PCDH15: variants seen among roughly 807,000 people sequenced by gnomAD.
PCDH15 encodes the protein protocadherin-15.
A neutral mutation model predicts 178.5 loss-of-function variants in PCDH15; 129 were observed. The ratio of observed to expected loss-of-function variants is 0.72; its 90% CI spans 0.63 to 0.84. PCDH15 has a LOEUF of 0.84. Ranked by LOEUF, PCDH15 falls within the 40% of genes least tolerant of loss-of-function variation. The pLI is 0.00. For missense variants in PCDH15, 2,230 were observed against 2,099.9 expected, an observed-to-expected ratio of 1.06 and a Z score of -1.21; for synonymous variants, 800 against 732.0, an observed-to-expected ratio of 1.09 and a Z score of -1.50.
At chr10:54,555,084 G>A (rs2133248184) in intron 2 of PCDH15, among the ~76,000 whole-genome samples, 1 of 152,180 alleles carries the variant, frequency 6.6e-6, no homozygotes, top group Non-Finnish European at 1.5e-5. Flanking sequence ...ATGTGATAAG[G>A]GAAGTTGATG....
intron 14 of PCDH15, 25 bp from the exon 15 acceptor site, chr10:54,133,032 G>A: frequency 1.2e-6 from 2 of 1,613,732 alleles, no homozygotes; most frequent in South Asian, 1.1e-5. Context: ...AGGAAAAGAA[G>A]ATGGTTACGA....
At chr10:55,110,876 T>C (rs1347818907) in intron 2 of PCDH15, among the ~76,000 whole-genome samples, 1 of 152,154 alleles carries the variant, frequency 6.6e-6, no homozygotes, top group Non-Finnish European at 1.5e-5. Context: ...ATTATGACAA[T>C]GTTGTTGCAG....
chr10:54,081,651 A>G (rs2094438785), intron 16 of PCDH15, among the ~76,000 whole-genome samples: 1 of 152,152 alleles, frequency 6.6e-6, no homozygotes, highest in Non-Finnish European at 1.5e-5. Flanking sequence ...AATAGCTCAC[A>G]AAAAGTCTTA....
chr10:54,543,622 T>C (rs1173433897), intron 2 of PCDH15, among the ~76,000 whole-genome samples: 1 of 152,162 alleles, frequency 6.6e-6, no homozygotes, highest in African/African-American at 2.4e-5. Context: ...AACTGGCCTA[T>C]GAAATTTGAT....
chr10:55,310,312 C>T (rs567706765), intron 1 of PCDH15, among the ~76,000 whole-genome samples: 261 of 152,094 alleles, frequency 1.7e-3, no homozygotes, highest in African/African-American at 6.0e-3. Flanking sequence ...ATAAATTTTT[C>T]GTAATTATTC....
intron 1 of PCDH15, among the ~76,000 whole-genome samples, chr10:54,797,290 A>G (rs1445271813): frequency 6.6e-6 from 1 of 152,016 alleles, no homozygotes; most frequent in Non-Finnish European, 1.5e-5. Context: ...TTTTCCATTT[A>G]CCAACTTGAA....
At chr10:55,071,349 C>G (rs1318316307) in intron 2 of PCDH15, among the ~76,000 whole-genome samples, 1 of 152,178 alleles carries the variant, frequency 6.6e-6, no homozygotes, top group East Asian at 1.9e-4. Flanking sequence ...ATTCAGGACA[C>G]CCATCTCATG....
In PCDH15 at chr10:55,238,151, T is replaced by C. The variant is rs906999581; in HGVS notation, c.-155-71500A>G. 5.4e-4 allele frequency among the ~76,000 whole-genome samples: 80 copies of C among 147,112 alleles called. 1 individual carries two copies. Among genetic ancestry groups the C allele is most frequent in the South Asian group, 6.5e-4 (3 of 4,614 alleles). On this transcript the variant is annotated intron_variant, in intron 1 of 5. Transcript: ENST00000458638. ...CTTCATGCATTCATATTTTCTTTTT[T>C]TTTTTTTTTTTTTTGAGACGGAGTC...
chr10:55,552,511 C>T (rs945350082), intron 2 of PCDH15, among the ~76,000 whole-genome samples: 2 of 151,348 alleles, frequency 1.3e-5, no homozygotes, highest in African/African-American at 4.8e-5. Context: ...ATAAATATTT[C>T]ACTATAATTG....
intron 14 of PCDH15, among the ~76,000 whole-genome samples, chr10:54,152,842 C>A (rs2044675334): frequency 6.6e-6 from 1 of 152,016 alleles, no homozygotes; most frequent in South Asian, 2.1e-4. Context: ...CTGTTAATTT[C>A]TTTGAAGAAA....
intron 1 of PCDH15, among the ~76,000 whole-genome samples, chr10:54,694,864 A>G (rs556904891): frequency 6.6e-6 from 1 of 152,134 alleles, no homozygotes; most frequent in Non-Finnish European, 1.5e-5. Flanking sequence ...TCTCATTTTT[A>G]ATCACAAGCT....
rs577438342 is a variant in PCDH15, at chr10:53,837,770, T to C, written c.3983+2550A>G. On this transcript the variant is annotated intron_variant, in intron 29 of 37. Transcript: ENST00000644397. The stretch of plus-strand genomic sequence containing the variant: ...TGGAAAACACACACACACACACACA[T>C]ACACACATATACACATGTATATGTA... 4.5e-3 allele frequency among the ~76,000 whole-genome samples: 646 copies of C among 143,788 alleles called. 8 individuals carry two copies. The highest frequency in any genetic ancestry group is 0.015 in the African/African-American group (616 of 40,092). 94.3% of individuals were successfully genotyped at this position (143,788 alleles called of 152,430 possible).
intron 2 of PCDH15, among the ~76,000 whole-genome samples, chr10:54,979,494 C>A (rs1253054521): frequency 6.6e-6 from 1 of 151,888 alleles, no homozygotes; most frequent in African/African-American, 2.4e-5. Flanking sequence ...CACAGCAAAG[C>A]CCCATCTCTT....
chr10:55,280,049 A>G (rs972131712), intron 1 of PCDH15, among the ~76,000 whole-genome samples: 9 of 152,090 alleles, frequency 5.9e-5, no homozygotes, highest in Non-Finnish European at 1.0e-4. Flanking sequence ...TTTATTTTCC[A>G]AAAGTAAGAA....
intron 21 of PCDH15, among the ~76,000 whole-genome samples, chr10:53,986,620 G>A (rs574720886): frequency 2.0e-5 from 3 of 152,154 alleles, no homozygotes; most frequent in Non-Finnish European, 2.9e-5. Context: ...TGTGGTATAT[G>A]CATACAAGTG....
At chr10:54,770,115 A>G (rs1334273316) in intron 1 of PCDH15, among the ~76,000 whole-genome samples, 1 of 152,144 alleles carries the variant, frequency 6.6e-6, no homozygotes, top group Non-Finnish European at 1.5e-5. Context: ...CATTTCCATT[A>G]CTGAAGAAAG....
chr10:54,079,454 CAAAAAG>C (rs2094401379), intron 16 of PCDH15, 30 bp from the exon 17 acceptor site: 2 of 1,580,514 alleles, frequency 1.3e-6, no homozygotes, highest in Non-Finnish European at 1.7e-6. Context: ...ACAAATAAGA[CAAAAAG>C]AGATATTATG....
intron 2 of PCDH15, among the ~76,000 whole-genome samples, chr10:55,615,792 G>A (rs1843461051): frequency 6.6e-6 from 1 of 152,120 alleles, no homozygotes; most frequent in South Asian, 2.1e-4. Flanking sequence ...ATGAACCTAA[G>A]CTGATTTGAG....
chr10:54,812,418 G>T (rs568461130), intron 3 of PCDH15, among the ~76,000 whole-genome samples: 1 of 151,566 alleles, frequency 6.6e-6, no homozygotes, highest in Non-Finnish European at 1.5e-5. Context: ...TTACAAGTGC[G>T]TGCCACCACA....
Sources: gnomAD v4.1 joint callset for allele counts (sites outside exome capture counted in the v4.1 genomes callset) on GRCh38, gnomAD v4.1.1 for gene constraint, MANE v1.5 for transcripts, NCBI Gene and HGNC (gene_info 2026-07-23, HGNC 2026-07-21) for gene names.